Variants in ARHGAP19 observed in about 807,000 individuals in gnomAD.
The protein encoded by ARHGAP19 is rho GTPase-activating protein 19.
ARHGAP19 carries 48 observed loss-of-function variants against 60.9 expected under a neutral mutation model. That is an observed-to-expected ratio of 0.79 (90% CI 0.62 to 1.00). The LOEUF (loss-of-function observed/expected upper bound fraction) is 1.00. ARHGAP19 is among the 50% of genes least tolerant of loss of function. ARHGAP19 has a pLI of 0.00. For missense variants in ARHGAP19, 562 were observed against 597.2 expected, an observed-to-expected ratio of 0.94 and a Z score of 0.61; for synonymous variants, 209 against 215.5, an observed-to-expected ratio of 0.97 and a Z score of 0.27.
chr10:97,263,037 C>T (rs1001408049), intron 4 of ARHGAP19, among the ~76,000 whole-genome samples: 1 of 152,088 alleles, frequency 6.6e-6, no homozygotes, highest in Admixed American at 6.5e-5. Flanking sequence ...CACCTGAGCC[C>T]GGGAGAGCAA....
intron 9 of ARHGAP19, among the ~76,000 whole-genome samples, chr10:97,233,573 G>A (rs1253405): frequency 0.94 from 143,257 of 152,254 alleles, 68,000 homozygotes; most frequent in East Asian, 1. Flanking sequence ...GTTCTCACTT[G>A]TGAGTAGGAG....
At chr10:97,278,405 C>T (rs1014086801) in intron 1 of ARHGAP19, among the ~76,000 whole-genome samples, 1 of 152,114 alleles carries the variant, frequency 6.6e-6, no homozygotes, top group African/African-American at 2.4e-5. Context: ...CTGTAAGTGA[C>T]AGAAAATGCT....
chr10:97,235,431 GA>G, intron 8 of ARHGAP19, 116 bp from the exon 9 acceptor site: 2 of 834,790 alleles, frequency 2.4e-6, no homozygotes, highest in South Asian at 3.3e-5. Context: ...TCTGCGCATA[GA>G]TGGATTAGGA....
At chr10:97,279,781 C>T (rs1456122014) in intron 1 of ARHGAP19, among the ~76,000 whole-genome samples, 3 of 152,110 alleles carry the variant, frequency 2.0e-5, no homozygotes, top group Non-Finnish European at 4.4e-5. Context: ...TAAGCCACCA[C>T]GCCCAGCCCA....
intron 6 of ARHGAP19, among the ~76,000 whole-genome samples, chr10:97,251,247 GGGGGA>G (rs1232349332): frequency 2.6e-5 from 1 of 37,822 alleles, no homozygotes; most frequent in Non-Finnish European, 5.8e-5. Flanking sequence ...GGGAAGGGAA[GGGGGA>G]GGGAAGGGGA....
chr10:97,270,627 T>A, intron 1 of ARHGAP19: 1 of 1,549,106 alleles, frequency 6.5e-7, no homozygotes, highest in Non-Finnish European at 8.7e-7. Context: ...AAGTTTCTGA[T>A]GAGGCATTGG....
At chr10:97,273,752 GTGC>G (rs1842989926) in intron 1 of ARHGAP19, among the ~76,000 whole-genome samples, 1 of 151,098 alleles carries the variant, frequency 6.6e-6, no homozygotes, top group Non-Finnish European at 1.5e-5. Flanking sequence ...GCCTCTCAAA[GTGC>G]TGGGATTACA....
intron 1 of ARHGAP19, among the ~76,000 whole-genome samples, chr10:97,284,455 T>C (rs1843127710): frequency 6.6e-6 from 1 of 152,100 alleles, no homozygotes; most frequent in South Asian, 2.1e-4. Context: ...TCTAGCCTTC[T>C]GTAGTAAATA....
At chr10:97,227,213 C>T (rs793518) in intron 11 of ARHGAP19, among the ~76,000 whole-genome samples, 36,541 of 152,118 alleles carry the variant, frequency 0.24, 4,817 homozygotes, top group Non-Finnish European at 0.3. Context: ...GAATATGTTA[C>T]TTTTATTATA....
In ARHGAP19 at chr10:97,288,094, AAAG is replaced by A. The variant is rs541665544; in HGVS notation, c.56+4475_56+4477del. On this transcript the variant is annotated intron_variant, in intron 1 of 11. Coordinates refer to ENST00000358531, the MANE Select transcript of ARHGAP19 (RefSeq NM_032900.6). ...AAATAAATAAATAAATATTTTATTA[AAAG>A]AAGTTAAAGCATTTGTAATTATTAG... Among the ~76,000 whole-genome samples, 14 of 152,322 alleles carry A rather than the reference AAAG, an allele frequency of 9.2e-5. No homozygotes were observed. In the South Asian group the frequency reaches 2.3e-3, roughly 25 times the overall value.
chr10:97,244,775 G>A (rs960253051), intron 7 of ARHGAP19, among the ~76,000 whole-genome samples: 1 of 152,082 alleles, frequency 6.6e-6, no homozygotes, highest in Admixed American at 6.6e-5. Context: ...ACAAATAGGA[G>A]CAGAAAAAAT....
chr10:97,232,152 CTATTTTTT>C (rs1851033709), intron 9 of ARHGAP19, among the ~76,000 whole-genome samples: 2 of 123,068 alleles, frequency 1.6e-5, no homozygotes, highest in Non-Finnish European at 3.3e-5. Flanking sequence ...CCTTTGCTCA[CTATTTTTT>C]TTTTTTTTTT....
chr10:97,231,557 G>A (rs1368416877), intron 9 of ARHGAP19, among the ~76,000 whole-genome samples: 1 of 152,094 alleles, frequency 6.6e-6, no homozygotes, highest in Non-Finnish European at 1.5e-5. Context: ...GAATCATACA[G>A]TATTTTTCCT....
chr10:97,258,406 C>T (rs185331528), intron 5 of ARHGAP19, among the ~76,000 whole-genome samples: 79 of 152,170 alleles, frequency 5.2e-4, no homozygotes, highest in African/African-American at 1.7e-3. Flanking sequence ...TAGTGGCTCA[C>T]GCCTGTAGTC....
intron 1 of ARHGAP19, among the ~76,000 whole-genome samples, chr10:97,276,721 C>T (rs1219845578): frequency 2.1e-4 from 1 of 4,852 alleles, no homozygotes; most frequent in African/African-American, 2.2e-4. Flanking sequence ...CCCCCCTGCC[C>T]GGCCAGTGGC....
chr10:97,278,123 G>C (rs1843041701), intron 1 of ARHGAP19: 1 of 153,188 alleles, frequency 6.5e-6, no homozygotes, highest in Admixed American at 6.6e-5. Context: ...CACTGATAAG[G>C]ACTGGAGATT....
intron 1 of ARHGAP19, among the ~76,000 whole-genome samples, chr10:97,269,163 A>G (rs1039002503): frequency 6.6e-6 from 1 of 152,228 alleles, no homozygotes; most frequent in Non-Finnish European, 1.5e-5. Context: ...AATATTAAAT[A>G]TAACTAATCT....
At chr10:97,227,166 T>C (rs1287654803) in intron 11 of ARHGAP19, among the ~76,000 whole-genome samples, 2 of 152,262 alleles carry the variant, frequency 1.3e-5, no homozygotes, top group African/African-American at 4.8e-5. Flanking sequence ...GATTATGTTG[T>C]TGATCACAGT....
Position 97,225,223 on chromosome 10 carries a change from T to C in ARHGAP19, c.*899A>G, listed in dbSNP as rs1205415600. 1.3e-5 allele frequency: 2 copies of C among 152,216 alleles called. No individual in the cohort carries two copies. The highest frequency in any genetic ancestry group is 4.8e-5 in the African/African-American group (2 of 41,460). 9.4% of individuals were successfully genotyped at this position (152,216 alleles called of 1,614,324 possible). ...TCTCTTATGCTGTCAGTGACTTTCC[T>C]TGAGTCACAGTGATTTGGTTCAGAA... On this transcript the variant is annotated 3_prime_UTR_variant, in exon 12 of 12. Transcript: ENST00000358531.
Sources: allele counts gnomAD v4.1 joint callset (sites outside exome capture counted in the v4.1 genomes callset), GRCh38; gene constraint gnomAD v4.1.1; transcripts MANE v1.5; gene names NCBI Gene and HGNC (gene_info 2026-07-23, HGNC 2026-07-21).